Variants in VRK3 observed in about 807,000 individuals in gnomAD.
VRK3 encodes serine/threonine-protein kinase VRK3.
VRK3 carries 50 observed loss-of-function variants against 60.4 expected under a neutral mutation model. That is an observed-to-expected ratio of 0.83 (90% confidence interval 0.66 to 1.05). VRK3 has a LOEUF of 1.05. Ranked by LOEUF, VRK3 falls within the 50% of genes least tolerant of loss-of-function variation. The pLI, the probability that VRK3 is intolerant of heterozygous loss-of-function variation, is 0.00. For synonymous variants in VRK3, 246 were observed against 227.8 expected (o/e 1.08, Z -0.72); for missense variants, 549 against 585.3 (o/e 0.94, Z 0.64).
intron 9 of VRK3, among the ~76,000 whole-genome samples, chr19:49,994,034 G>A (rs531120840): frequency 1.4e-4 from 21 of 152,196 alleles, no homozygotes; most frequent in South Asian, 1.0e-3. Context: ...GCGAGGCCCC[G>A]TGTGATGTGG....
At chr19:50,015,508 G>A (rs1361688330) in intron 3 of VRK3, among the ~76,000 whole-genome samples, 1 of 151,934 alleles carries the variant, frequency 6.6e-6, no homozygotes, top group African/African-American at 2.4e-5. Context: ...GAGATTTCAG[G>A]ATGTTGGCCA....
At chr19:50,013,859 CA>C (rs1404407330) in intron 3 of VRK3, among the ~76,000 whole-genome samples, 1 of 152,056 alleles carries the variant, frequency 6.6e-6, no homozygotes, top group Non-Finnish European at 1.5e-5. Context: ...AGACAAGTAC[CA>C]AAAAGAAATA....
chr19:50,000,616 C>T (rs2076787192), intron 6 of VRK3, 174 bp downstream of exon 6: 1 of 712,472 alleles, frequency 1.4e-6, no homozygotes, highest in African/African-American at 1.8e-5. Context: ...TTCCAACACC[C>T]TGGGATGATG....
At chr19:50,009,167 C>T (rs1337227955) in intron 4 of VRK3, 69 bp downstream of exon 4, 2 of 1,545,606 alleles carry the variant, frequency 1.3e-6, no homozygotes, top group Non-Finnish European at 1.8e-6. Context: ...GCAGTTTTGT[C>T]CCAAAGATCA....
In VRK3 at chr19:50,016,149, CAGA is replaced by C. The variant is rs770781236; in HGVS notation, c.11_13del (p.Phe4del). The C allele has an allele frequency of 1.7e-5, 28 of 1,614,036 alleles. No homozygotes were observed. The South Asian group carries it at 1.8e-4, about 10-fold the overall frequency. On this transcript the variant is annotated inframe_deletion, in exon 3 of 15. Transcript: ENST00000316763. The stretch of plus-strand genomic sequence containing the variant: ...TTGGATACTTTTGCCACAGTCTGGA[CAGA>C]AGGAGATCATGCTACAAAACAGAAT...
chr19:49,996,823 G>A (rs921119635), intron 7 of VRK3, among the ~76,000 whole-genome samples: 1 of 151,442 alleles, frequency 6.6e-6, no homozygotes, highest in Non-Finnish European at 1.5e-5. Context: ...CACCATGTTG[G>A]CCAGGCTACT....
chr19:49,994,913 C>A lies in VRK3; in HGVS notation c.771G>T (p.Leu257Phe), dbSNP rs755003191. ...GGCTCCTCCCCAGGCTGGGTAACAC[C>A]AAGAACCTGGAAGACACAAGCACCC... Reference protein sequence around the residue: ...FGVHQDKYRFLVLPSLGRSLQ... With the variant: ...FGVHQDKYRFFVLPSLGRSLQ... The change falls in exon 9 of 15, where the codon TTG becomes TTT. Residue 257 changes from leucine (L) to phenylalanine (F), a missense_variant. Coordinates refer to ENST00000316763, the MANE Select transcript of VRK3 (RefSeq NM_016440.4). 6.2e-7 allele frequency: 1 copy of A among 1,613,680 alleles called. No individual in the cohort carries two copies. The highest frequency in any genetic ancestry group is 8.5e-7 in the Non-Finnish European group (1 of 1,179,924).
intron 5 of VRK3, among the ~76,000 whole-genome samples, chr19:50,001,711 G>C (rs73935129): frequency 0.052 from 7,987 of 152,202 alleles, 694 homozygotes; most frequent in African/African-American, 0.18. Context: ...TCACATGCAT[G>C]GTCCCATCTG....
At chr19:49,982,233 G>T (rs1182928376) in intron 12 of VRK3, 2 of 702,734 alleles carry the variant, frequency 2.8e-6, no homozygotes, top group Non-Finnish European at 5.2e-6. Context: ...CAACAGCACC[G>T]TAGCTCATGC....
intron 5 of VRK3, among the ~76,000 whole-genome samples, chr19:50,003,760 G>A (rs3948352): frequency 6.6e-6 from 1 of 152,226 alleles, no homozygotes; most frequent in Non-Finnish European, 1.5e-5. Flanking sequence ...GAAGAAAAGG[G>A]CGATTTGCTC....
intron 14 of VRK3, among the ~76,000 whole-genome samples, chr19:49,978,197 C>T (rs1261505085): frequency 6.6e-6 from 1 of 152,156 alleles, no homozygotes; most frequent in Non-Finnish European, 1.5e-5. Flanking sequence ...CACTGTCCCG[C>T]ATCCTGACAA....
rs142084590 is a variant in VRK3, at chr19:49,991,743, C to A, written c.963+1117G>T. 3.1e-3 allele frequency among the ~76,000 whole-genome samples: 467 copies of A among 152,284 alleles called. 1 individual carries two copies. The highest frequency in any genetic ancestry group is 0.011 in the African/African-American group (445 of 41,550). On this transcript the variant is annotated intron_variant, in intron 10 of 14. Transcript: ENST00000316763. ...AGGAATAAGTCTGCCTGACAACGAG[C>A]AGTGCAGAAGCATGAGGAGTCCAGA... is the stretch of plus-strand genomic sequence containing the variant.
intron 10 of VRK3, among the ~76,000 whole-genome samples, chr19:49,991,111 T>C (rs749087589): frequency 2.0e-5 from 3 of 152,178 alleles, no homozygotes; most frequent in African/African-American, 7.2e-5. Flanking sequence ...CATTTTTATG[T>C]GGCAACTTGA....
chr19:49,979,287 C>G (rs1366411597), intron 13 of VRK3, 45 bp from the exon 14 acceptor site: 1 of 1,613,032 alleles, frequency 6.2e-7, no homozygotes, highest in Non-Finnish European at 8.5e-7. Context: ...TGAGAGGCAT[C>G]CCCCAACCCC....
At chr19:49,990,042 A>C (rs1026718138) in intron 10 of VRK3, among the ~76,000 whole-genome samples, 1 of 149,874 alleles carries the variant, frequency 6.7e-6, no homozygotes, top group Non-Finnish European at 1.5e-5. Flanking sequence ...TTTTTTTTTT[A>C]AATAACCAGG....
chr19:49,984,173 C>A (rs1422152270), intron 12 of VRK3, among the ~76,000 whole-genome samples: 1 of 152,104 alleles, frequency 6.6e-6, no homozygotes, highest in Non-Finnish European at 1.5e-5. Flanking sequence ...GAAGACTCAA[C>A]CGAGGGGAGC....
intron 5 of VRK3, among the ~76,000 whole-genome samples, chr19:50,006,300 ACT>A (rs1387887147): frequency 6.7e-6 from 1 of 150,222 alleles, no homozygotes; most frequent in Admixed American, 6.6e-5. Context: ...ACAGAGCAAG[ACT>A]CTCTCTCAAA....
At chr19:49,988,513 G>A (rs2076556148) in intron 11 of VRK3, 21 bp from the exon 12 acceptor site, 1 of 1,610,046 alleles carries the variant, frequency 6.2e-7, no homozygotes, top group Non-Finnish European at 8.5e-7. Flanking sequence ...AGGAGTAAAG[G>A]TGGCAGCTCA....
At chr19:50,000,052 A>G (rs946113806) in intron 6 of VRK3, 4 of 152,236 alleles carry the variant, frequency 2.6e-5, no homozygotes, top group African/African-American at 9.7e-5. Flanking sequence ...ACCCACTCTC[A>G]TGGCCTCCAC....
Sources: allele counts gnomAD v4.1 joint callset (sites outside exome capture counted in the v4.1 genomes callset), GRCh38; gene constraint gnomAD v4.1.1; transcripts MANE v1.5; gene names NCBI Gene and HGNC (gene_info 2026-07-23, HGNC 2026-07-21).